Variants in ZNF669 observed in about 807,000 individuals in gnomAD.
ZNF669 encodes the protein zinc finger protein 669.
A neutral mutation model predicts 11.4 loss-of-function variants in ZNF669; 7 were observed. That is an observed-to-expected ratio of 0.62 (90% CI 0.35 to 1.16). The LOEUF (loss-of-function observed/expected upper bound fraction) is 1.16, where lower values mean the gene tolerates loss of function less well. Ranked by LOEUF, ZNF669 falls within the 50% of genes most tolerant of loss-of-function variation. The pLI is 0.02. For synonymous variants in ZNF669, 153 were observed against 155.8 expected (o/e 0.98, Z 0.13); for missense variants, 492 against 463.6 (o/e 1.06, Z -0.56).
intron 3 of ZNF669, 62 bp from the exon 4 acceptor site, chr1:247,101,381 A>C (rs1369362122): frequency 1.3e-6 from 2 of 1,497,168 alleles, no homozygotes; most frequent in East Asian, 4.5e-5. Flanking sequence ...CTACTTATTA[A>C]TAGGTCTTGG....
intron 1 of ZNF669, among the ~76,000 whole-genome samples, chr1:247,103,620 A>G (rs1671769955): frequency 8.7e-6 from 1 of 115,390 alleles, no homozygotes; most frequent in East Asian, 2.9e-4. Flanking sequence ...CGACAGGGCG[A>G]GATTCCGTCT....
chr1:247,102,222 A>T, intron 1 of ZNF669, 109 bp from the exon 2 acceptor site: 5 of 1,322,726 alleles, frequency 3.8e-6, no homozygotes, highest in Non-Finnish European at 5.2e-6. Context: ...CCAAGCATTT[A>T]TTCTATGACT....
At position 247,104,079 on chromosome 1, in the gene ZNF669, G is replaced by A. The variant is rs1477949641; in HGVS notation, c.3+118C>T. The A allele has an allele frequency of 5.0e-6, 8 of 1,585,078 alleles. 1 individual carries two copies. The highest frequency in any genetic ancestry group is 3.3e-4 in the Middle Eastern group (2 of 5,992). On this transcript the variant is annotated intron_variant, in intron 1 of 3. Coordinates refer to ENST00000448299, the MANE Select transcript of ZNF669 (RefSeq NM_001142572.2). ...CAGAAGAGGACTGAGCCCCGGCTAC[G>A]CCACGGCGACTCGGTCCGCAGGTTC...
chr1:247,101,109 C>A lies in ZNF669; in HGVS notation c.402G>T (p.Lys134Asn). The A allele has an allele frequency of 6.2e-7, 1 of 1,614,104 alleles. No individual in the cohort carries two copies. The highest frequency in any genetic ancestry group is 8.5e-7 in the Non-Finnish European group (1 of 1,180,024). Residue 134 changes from lysine (K) to asparagine (N), a missense_variant, in exon 4 of 4, where the codon AAG becomes AAT. Coordinates refer to ENST00000448299, the MANE Select transcript of ZNF669 (RefSeq NM_001142572.2). Reference sequence around the variant, plus strand: ...TCCCACACTGTTCACATTTATATTGCTTCTCTCCATATGGTTTGTATCCTG... The same window carrying A: ...TCCCACACTGTTCACATTTATATTGATTCTCTCCATATGGTTTGTATCCTG... ...AHSGYKPYGE[K>N]QYKCEQCGKF... is the part of the protein sequence containing the mutation.
At position 247,101,198 on chromosome 1, in the gene ZNF669, A is replaced by G; in HGVS notation, c.313T>C (p.Cys105Arg). ...NISTGLKPCE[C>R]SICGKVFVRH... is the part of the protein sequence containing the mutation. ...ACAAAGACTTTTCCACAAATACTGC[A>G]TTCACATGGTTTTAATCCAGTAGAA... The change falls in exon 4 of 4, where the codon TGC becomes CGC. Residue 105 changes from cysteine to arginine, a missense_variant. Transcript: ENST00000448299. The G allele has an allele frequency of 6.2e-7, 1 of 1,614,104 alleles. No individual in the cohort carries two copies. Among genetic ancestry groups the G allele is most frequent in the Non-Finnish European group, 8.5e-7 (1 of 1,180,010 alleles).
intron 2 of ZNF669, 46 bp downstream of exon 2, chr1:247,101,941 T>C (rs1671733642): frequency 1.9e-6 from 3 of 1,613,374 alleles, no homozygotes; most frequent in Non-Finnish European, 1.7e-6. Flanking sequence ...GCACTGATGA[T>C]AGGGAAAGAC....
At chr1:247,103,958 G>A (rs1318477289) in intron 1 of ZNF669, 7 of 1,603,512 alleles carry the variant, frequency 4.4e-6, no homozygotes, top group African/African-American at 1.3e-5. Context: ...GGAGGCGAGG[G>A]GTTCCCGACA....
chr1:247,100,317 A>G lies in ZNF669; in HGVS notation c.*57T>C. On this transcript the variant is annotated 3_prime_UTR_variant, in exon 4 of 4. Transcript: ENST00000448299. ...TTTTTTGTAAAGACAGGGTTTCACC[A>G]TGTTGCCCAGGTTGTTTCACATTGT... 1 of 1,056,436 alleles carries G rather than the reference A, an allele frequency of 9.5e-7. No homozygotes were observed. The highest frequency in any genetic ancestry group is 1.4e-6 in the Non-Finnish European group (1 of 718,152). The allele number at this position is 1,056,436 out of a possible 1,614,324, so 65.4% of individuals were successfully genotyped here.
Position 247,104,212 on chromosome 1 carries a change from C to T in ZNF669, c.-13G>A, listed in dbSNP as rs201978813. 360 of 1,511,388 alleles carry T rather than the reference C, an allele frequency of 2.4e-4. No homozygotes were observed. The highest frequency in any genetic ancestry group is 8.9e-4 in the Admixed American group (39 of 43,832). 93.6% of individuals were successfully genotyped at this position (1,511,388 alleles called of 1,614,324 possible). On this transcript the variant is annotated 5_prime_UTR_variant, in exon 1 of 4. Transcript: ENST00000448299. ...GTCCACTCACCATTCCTCGGCTTCC[C>T]GGGTGTCCTGGCGTCAGCTAGGGAT...
rs374675957 is a variant in ZNF669, at chr1:247,100,686, G to A, written c.825C>T (p.Pro275=). 3 of 1,614,032 alleles carry A rather than the reference G, an allele frequency of 1.9e-6. No homozygotes were observed. Among genetic ancestry groups the A allele is most frequent in the African/African-American group, 2.7e-5 (2 of 74,932 alleles). ...YHGSIHTGER[P]YECKQCGKAF... The stretch of plus-strand genomic sequence containing the variant: ...CTTTGCCACATTGTTTACACTCATA[G>A]GGTCTCTCTCCAGTATGAATGCTTC... The change falls in exon 4 of 4, where the codon CCC becomes CCT. Residue 275 remains proline (P), a synonymous_variant. Coordinates refer to ENST00000448299, the MANE Select transcript of ZNF669 (RefSeq NM_001142572.2).
Position 247,100,808 on chromosome 1 carries a change from A to G in ZNF669, c.703T>C (p.Phe235Leu). The G allele has an allele frequency of 6.2e-7, 1 of 1,613,844 alleles. No homozygotes were observed. The highest frequency in any genetic ancestry group is 8.5e-7 in the Non-Finnish European group (1 of 1,179,882). Residue 235 changes from phenylalanine (F) to leucine (L), a missense_variant, in exon 4 of 4, where the codon TTT becomes CTT. By Grantham distance (22) the Phe-to-Leu change is conservative. Transcript: ENST00000448299. Reference protein sequence around the residue: ...CGKTFRFSCSFKTHERTHTGE... With the variant: ...CGKTFRFSCSLKTHERTHTGE... ...GTGTGAGTCCTTTCATGCGTCTTAA[A>G]AGAACAAGAAAATCTGAATGTTTTC...
chr1:247,102,194 T>C (rs1671739672), intron 1 of ZNF669, 81 bp from the exon 2 acceptor site: 7 of 1,467,718 alleles, frequency 4.8e-6, no homozygotes, highest in South Asian at 2.8e-5. Context: ...ATAAGCTGTT[T>C]ACATGATTTG....
intron 1 of ZNF669, among the ~76,000 whole-genome samples, chr1:247,103,668 T>C: frequency 6.7e-6 from 1 of 148,760 alleles, no homozygotes; most frequent in Non-Finnish European, 1.5e-5. Context: ...AAGAATATGG[T>C]TTGCTTCCTC....
In ZNF669 at chr1:247,101,259, G is replaced by C; in HGVS notation, c.252C>G (p.Val84=). The C allele has an allele frequency of 6.2e-7, 1 of 1,612,684 alleles. No homozygotes were observed. The highest frequency in any genetic ancestry group is 1.1e-5 in the South Asian group (1 of 90,954). Reference sequence around the variant, plus strand: ...TCAGATCAAGATTTGGAATTTGGCTGACAACTTCTCCATACTGACCATCTT... The same window carrying C: ...TCAGATCAAGATTTGGAATTTGGCTCACAACTTCTCCATACTGACCATCTT... ...SKEDGQYGEV[V]SQIPNLDLNE... is the part of the protein sequence containing the mutation. The change falls in exon 4 of 4, where the codon GTC becomes GTG. Residue 84 remains valine (V), a synonymous_variant. Transcript: ENST00000448299.
At chr1:247,101,356 T>C (rs1360754683) in intron 3 of ZNF669, 37 bp from the exon 4 acceptor site, 2 of 1,516,038 alleles carry the variant, frequency 1.3e-6, no homozygotes, top group African/African-American at 1.4e-5. Flanking sequence ...TATTGGTTGG[T>C]TTATTAATAA....
At chr1:247,104,160 C>A in intron 1 of ZNF669, 37 bp downstream of exon 1, 2 of 1,540,562 alleles carry the variant, frequency 1.3e-6, no homozygotes, top group Non-Finnish European at 8.7e-7. Flanking sequence ...AACCAGCCCT[C>A]TTCTCCACTT....
chr1:247,103,437 C>T (rs531308746), intron 1 of ZNF669, among the ~76,000 whole-genome samples: 3 of 152,084 alleles, frequency 2.0e-5, no homozygotes, highest in South Asian at 4.2e-4. Flanking sequence ...AGTTCGAGAC[C>T]AACCTAGCCA....
In ZNF669 at chr1:247,104,256, C is replaced by T. The variant is rs1196725871; in HGVS notation, c.-57G>A. The T allele has an allele frequency of 7.4e-6, 11 of 1,480,774 alleles. No individual in the cohort carries two copies. Among genetic ancestry groups the T allele is most frequent in the Non-Finnish European group, 8.9e-6 (10 of 1,117,690 alleles). 91.7% of individuals were successfully genotyped at this position (1,480,774 alleles called of 1,614,324 possible). ...TAGGGATGTCCCAATACTCGCAGGTCACAGGGTGGCAGAGGCTGCTGCAGA... is the reference window on the plus strand; with the variant it reads ...TAGGGATGTCCCAATACTCGCAGGTTACAGGGTGGCAGAGGCTGCTGCAGA... On this transcript the variant is annotated 5_prime_UTR_variant, in exon 1 of 4. Coordinates refer to ENST00000448299, the MANE Select transcript of ZNF669 (RefSeq NM_001142572.2).
At chr1:247,102,859 T>A (rs1671751043) in intron 1 of ZNF669, among the ~76,000 whole-genome samples, 1 of 152,234 alleles carries the variant, frequency 6.6e-6, no homozygotes, top group African/African-American at 2.4e-5. Flanking sequence ...AATTTACTAA[T>A]ACAATTTTTA....
Sources: gnomAD v4.1 joint callset for allele counts (sites outside exome capture counted in the v4.1 genomes callset) on GRCh38, gnomAD v4.1.1 for gene constraint, MANE v1.5 for transcripts, NCBI Gene and HGNC (gene_info 2026-07-23, HGNC 2026-07-21) for gene names.